PTPRT: variants seen among roughly 807,000 people sequenced by gnomAD.
PTPRT encodes receptor-type tyrosine-protein phosphatase T.
PTPRT carries 56 observed loss-of-function variants against 176.8 expected under a neutral mutation model. The observed-to-expected ratio is 0.32, with a 90% confidence interval of 0.26 to 0.40. The LOEUF (loss-of-function observed/expected upper bound fraction) is 0.40, where lower values mean the gene tolerates loss of function less well. Ranked by LOEUF, PTPRT falls within the 10% of genes least tolerant of loss-of-function variation. PTPRT has a pLI of 1.00. For missense variants in PTPRT, 1,540 were observed against 1,908.2 expected, an observed-to-expected ratio of 0.81 and a Z score of 3.60; for synonymous variants, 783 against 739.0, an observed-to-expected ratio of 1.06 and a Z score of -0.96.
At chr20:42,111,892 C>G (rs1425590930) in intron 22 of PTPRT, among the ~76,000 whole-genome samples, 1 of 152,138 alleles carries the variant, frequency 6.6e-6, no homozygotes, top group Non-Finnish European at 1.5e-5. Context: ...GGCAGGGGGA[C>G]AGCATGGGCA....
intron 12 of PTPRT, among the ~76,000 whole-genome samples, chr20:42,297,093 A>T (rs1293681077): frequency 6.6e-6 from 1 of 152,200 alleles, no homozygotes; most frequent in East Asian, 1.9e-4. Flanking sequence ...ATAAAGATAT[A>T]GTAGTGATCC....
intron 3 of PTPRT, among the ~76,000 whole-genome samples, chr20:42,787,354 A>G (rs528398267): frequency 2.6e-4 from 39 of 152,316 alleles, no homozygotes; most frequent in African/African-American, 9.1e-4. Flanking sequence ...GCAGAATACT[A>G]TCTCTATAGT....
intron 1 of PTPRT, among the ~76,000 whole-genome samples, chr20:43,116,754 GA>G (rs1328624815): frequency 2.6e-5 from 4 of 152,072 alleles, no homozygotes; most frequent in Non-Finnish European, 1.5e-5. Context: ...TAATGGTAGG[GA>G]ATATATTTTT....
chr20:42,443,449 C>G (rs1224781854), intron 9 of PTPRT, among the ~76,000 whole-genome samples: 1 of 152,208 alleles, frequency 6.6e-6, no homozygotes, highest in Non-Finnish European at 1.5e-5. Context: ...ATCTGTCACT[C>G]TGTTAGGGGA....
intron 1 of PTPRT, among the ~76,000 whole-genome samples, chr20:43,172,785 A>G (rs563109156): frequency 1.3e-5 from 2 of 152,148 alleles, no homozygotes; most frequent in Non-Finnish European, 2.9e-5. Context: ...AAAGGGTTTA[A>G]GTAGCTTGTT....
At chr20:42,726,543 G>A (rs1034269963) in intron 6 of PTPRT, among the ~76,000 whole-genome samples, 1 of 152,224 alleles carries the variant, frequency 6.6e-6, no homozygotes, top group African/African-American at 2.4e-5. Context: ...GGATTCTGAG[G>A]CCAGATGGCC....
intron 15 of PTPRT, among the ~76,000 whole-genome samples, chr20:42,204,170 G>A (rs1409259874): frequency 6.6e-6 from 1 of 152,142 alleles, no homozygotes; most frequent in African/African-American, 2.4e-5. Context: ...TTCGTAACTA[G>A]AAATATTTTG....
chr20:42,099,546 C>CGGGGGGGG (rs59137378), intron 26 of PTPRT, among the ~76,000 whole-genome samples: 18 of 28,906 alleles, frequency 6.2e-4, no homozygotes, highest in African/African-American at 1.0e-3. Context: ...ATGGCCTGGG[C>CGGGGGGGG]GGGGGGGGGG....
intron 6 of PTPRT, among the ~76,000 whole-genome samples, chr20:42,742,951 G>C (rs542386364): frequency 1.3e-5 from 2 of 152,162 alleles, no homozygotes; most frequent in African/African-American, 4.8e-5. Flanking sequence ...CTTACGAAGG[G>C]CCTTTCCAAT....
At chr20:42,546,425 C>G (rs931077503) in intron 7 of PTPRT, among the ~76,000 whole-genome samples, 2 of 151,618 alleles carry the variant, frequency 1.3e-5, no homozygotes, top group African/African-American at 4.9e-5. Flanking sequence ...GCTATTGTTA[C>G]AGCTGCATAC....
At chr20:42,054,825 C>T in the PTPRT span, among the ~76,000 whole-genome samples, 2 of 152,160 alleles carry the variant, frequency 1.3e-5, no homozygotes, top group Non-Finnish European at 2.9e-5. Flanking sequence ...CCATAACATC[C>T]TTCTTGTGGA....
chr20:42,902,859 G>A (rs530333064), intron 1 of PTPRT, among the ~76,000 whole-genome samples: 9 of 152,192 alleles, frequency 5.9e-5, no homozygotes, highest in South Asian at 2.1e-4. Flanking sequence ...TATTACCCTC[G>A]CTGAATTTAT....
At chr20:42,913,957 T>G (rs896568338) in intron 1 of PTPRT, among the ~76,000 whole-genome samples, 1 of 152,236 alleles carries the variant, frequency 6.6e-6, no homozygotes, top group East Asian at 1.9e-4. Flanking sequence ...ACATATTAAT[T>G]CATTCCCTAA....
chr20:43,060,998 T>A (rs539840872), intron 1 of PTPRT, among the ~76,000 whole-genome samples: 5 of 152,106 alleles, frequency 3.3e-5, no homozygotes, highest in Admixed American at 6.6e-5. Context: ...CAATAAAAAA[T>A]TTAAAATAGA....
intron 15 of PTPRT, among the ~76,000 whole-genome samples, chr20:42,232,801 T>A: frequency 7.0e-6 from 1 of 142,598 alleles, no homozygotes; most frequent in East Asian, 2.0e-4. Flanking sequence ...ATCATGTTTC[T>A]TCTCTGTTTT....
intron 1 of PTPRT, among the ~76,000 whole-genome samples, chr20:42,945,827 C>A (rs1185174129): frequency 6.6e-6 from 1 of 151,930 alleles, no homozygotes; most frequent in African/African-American, 2.4e-5. Flanking sequence ...GTTGCAAGAC[C>A]CTTTCATCAC....
At chr20:42,134,864 G>A (rs184919281) in intron 18 of PTPRT, among the ~76,000 whole-genome samples, 44 of 152,316 alleles carry the variant, frequency 2.9e-4, no homozygotes, top group Non-Finnish European at 4.4e-4. Context: ...TGTCTTGCAT[G>A]ATCTGATGGT....
At chr20:42,048,001 A>G in the PTPRT span, among the ~76,000 whole-genome samples, 1 of 152,146 alleles carries the variant, frequency 6.6e-6, no homozygotes, top group Non-Finnish European at 1.5e-5. Context: ...GATTCTCCTG[A>G]CTTGGCGCTG....
In PTPRT at chr20:42,349,724, C is replaced by T. The variant is rs1019432431; in HGVS notation, c.1865+904G>A. 6.6e-5 allele frequency among the ~76,000 whole-genome samples: 10 copies of T among 152,184 alleles called. 1 individual carries two copies. Among genetic ancestry groups the T allele is most frequent in the African/African-American group, 2.4e-4 (10 of 41,446 alleles). On this transcript the variant is annotated intron_variant, in intron 11 of 30. Coordinates refer to ENST00000373187, the MANE Select transcript of PTPRT (RefSeq NM_007050.6). The stretch of plus-strand genomic sequence containing the variant: ...ACTGAGCAATTTGAAAGTTGTTCCA[C>T]TCAATGCTCTGCTTCATTTTAAGGG...
Sources: allele counts gnomAD v4.1 joint callset (sites outside exome capture counted in the v4.1 genomes callset), GRCh38; gene constraint gnomAD v4.1.1; transcripts MANE v1.5; gene names NCBI Gene and HGNC (gene_info 2026-07-23, HGNC 2026-07-21).